The following NRG3 variants were observed in gnomAD, a reference collection of about 807,000 sequenced individuals.
NRG3 encodes pro-neuregulin-3, membrane-bound isoform.
A neutral mutation model predicts 66.9 loss-of-function variants in NRG3; 31 were observed. The ratio of observed to expected loss-of-function variants is 0.46; its 90% CI spans 0.35 to 0.63. The LOEUF (loss-of-function observed/expected upper bound fraction) is 0.63, where lower values mean the gene tolerates loss of function less well. Among genes scored for constraint, NRG3 ranks in the 20% least tolerant of loss-of-function variants. The pLI, the probability that NRG3 is intolerant of heterozygous loss-of-function variation, is 0.00. For synonymous variants in NRG3, 393 were observed against 359.4 expected, an observed-to-expected ratio of 1.09 and a Z score of -1.06; for missense variants, 910 against 878.9, an observed-to-expected ratio of 1.04 and a Z score of -0.45.
intron 2 of NRG3, among the ~76,000 whole-genome samples, chr10:82,677,880 G>C (rs960433848): frequency 1.3e-5 from 2 of 152,152 alleles, no homozygotes; most frequent in African/African-American, 4.8e-5. Flanking sequence ...TGATTTGGTG[G>C]GTTGCCTTAC....
chr10:81,926,229 T>TGCCTCA (rs925015549), intron 1 of NRG3, among the ~76,000 whole-genome samples: 2 of 152,186 alleles, frequency 1.3e-5, no homozygotes, highest in African/African-American at 4.8e-5. Flanking sequence ...GTGAATCTCC[T>TGCCTCA]GCCTCAGTCT....
intron 1 of NRG3, among the ~76,000 whole-genome samples, chr10:81,938,140 G>C (rs1257493443): frequency 6.6e-6 from 1 of 151,966 alleles, no homozygotes; most frequent in Non-Finnish European, 1.5e-5. Flanking sequence ...GTGTAGCCTG[G>C]TAATATGTTT....
intron 2 of NRG3, among the ~76,000 whole-genome samples, chr10:82,620,121 C>T (rs1233906477): frequency 2.0e-5 from 3 of 152,162 alleles, no homozygotes; most frequent in Non-Finnish European, 4.4e-5. Flanking sequence ...GGGGTGCCTG[C>T]GGCCCCCAAA....
intron 4 of NRG3, among the ~76,000 whole-genome samples, chr10:82,866,919 G>A (rs1840798324): frequency 6.6e-6 from 1 of 152,136 alleles, no homozygotes; most frequent in Non-Finnish European, 1.5e-5. Flanking sequence ...CATAGTTTTG[G>A]ATAAGTTGTC....
chr10:82,491,316 A>ATATATAT (rs1389375279), intron 2 of NRG3, among the ~76,000 whole-genome samples: 98 of 136,506 alleles, frequency 7.2e-4, no homozygotes, highest in Middle Eastern at 3.8e-3. Flanking sequence ...ATATATATAT[A>ATATATAT]AAATAAAGAT....
rs531867459 is a variant in NRG3 at position 82,266,918 on chromosome 10, A to G, written c.824-91821A>G. Among the ~76,000 whole-genome samples, 3 of 152,280 alleles carry G rather than the reference A, an allele frequency of 2.0e-5. No homozygotes were observed. The South Asian group carries it at 6.2e-4, about 32-fold the overall frequency. The stretch of plus-strand genomic sequence containing the variant: ...CTTTGCTTTTATGAACTTACCACAA[A>G]TGATGCTCCTGTTCTAGAGTCTAGG... On this transcript the variant is annotated intron_variant, in intron 1 of 8. Coordinates refer to ENST00000372141, the MANE Select transcript of NRG3 (RefSeq NM_001010848.4).
At chr10:81,896,832 A>T (rs1333413168) in intron 1 of NRG3, among the ~76,000 whole-genome samples, 1 of 152,136 alleles carries the variant, frequency 6.6e-6, no homozygotes, top group Non-Finnish European at 1.5e-5. Context: ...TTAAGCACCT[A>T]CTACTTGCCA....
intron 2 of NRG3, among the ~76,000 whole-genome samples, chr10:82,521,441 C>G (rs376048363): frequency 2.0e-5 from 3 of 151,980 alleles, no homozygotes; most frequent in Middle Eastern, 3.4e-3. Flanking sequence ...CCCGGGTTCA[C>G]GCCATTCTCC....
At chr10:82,443,497 C>T (rs2090552572) in intron 2 of NRG3, among the ~76,000 whole-genome samples, 1 of 152,146 alleles carries the variant, frequency 6.6e-6, no homozygotes, top group African/African-American at 2.4e-5. Flanking sequence ...ATTATTTTGA[C>T]CAAATATCTC....
chr10:82,380,455 T>C (rs1382494097), intron 2 of NRG3, among the ~76,000 whole-genome samples: 4 of 152,126 alleles, frequency 2.6e-5, no homozygotes, highest in Non-Finnish European at 5.9e-5. Flanking sequence ...GCAGTGAGTA[T>C]TTTAAGAAGA....
intron 1 of NRG3, among the ~76,000 whole-genome samples, chr10:82,161,422 A>G (rs77456251): frequency 6.6e-6 from 1 of 152,118 alleles, no homozygotes; most frequent in Non-Finnish European, 1.5e-5. Context: ...ACTATGGGGC[A>G]AGTGGTCCAT....
intron 1 of NRG3, among the ~76,000 whole-genome samples, chr10:82,065,163 C>G (rs556193084): frequency 1.3e-5 from 2 of 151,976 alleles, no homozygotes; most frequent in Non-Finnish European, 2.9e-5. Context: ...TTTTGACTTC[C>G]GTAGGAGACA....
intron 1 of NRG3, among the ~76,000 whole-genome samples, chr10:82,064,865 T>A (rs1248040754): frequency 1.3e-5 from 2 of 152,152 alleles, no homozygotes; most frequent in African/African-American, 4.8e-5. Context: ...GAAGAAGAAT[T>A]ATTCAAAACT....
At chr10:82,278,219 T>A (rs2078950844) in intron 1 of NRG3, among the ~76,000 whole-genome samples, 1 of 152,002 alleles carries the variant, frequency 6.6e-6, no homozygotes, top group Non-Finnish European at 1.5e-5. Context: ...TATTTTTTTT[T>A]AAAGCGTTCT....
chr10:82,145,998 T>A (rs1288417018), intron 1 of NRG3, among the ~76,000 whole-genome samples: 2 of 152,282 alleles, frequency 1.3e-5, no homozygotes, highest in Non-Finnish European at 2.9e-5. Context: ...AACATTGTGA[T>A]AAAATCATAT....
intron 1 of NRG3, among the ~76,000 whole-genome samples, chr10:82,219,970 A>G (rs555455830): frequency 6.6e-6 from 1 of 152,106 alleles, no homozygotes; most frequent in African/African-American, 2.4e-5. Flanking sequence ...ATAAGTAAAG[A>G]TATATATGTA....
chr10:82,438,522 T>C (rs888927885), intron 2 of NRG3, among the ~76,000 whole-genome samples: 1 of 152,202 alleles, frequency 6.6e-6, no homozygotes, highest in African/African-American at 2.4e-5. Flanking sequence ...CCCAAGGAGC[T>C]TAAACCACTT....
At chr10:82,529,372 G>C (rs1400491086) in intron 2 of NRG3, among the ~76,000 whole-genome samples, 1 of 152,140 alleles carries the variant, frequency 6.6e-6, no homozygotes, top group African/African-American at 2.4e-5. Context: ...AGTAATACAT[G>C]GGGCATTACT....
chr10:81,904,721 T>C lies in NRG3; in HGVS notation c.823+28558T>C, dbSNP rs572812905. Among the ~76,000 whole-genome samples the C allele has an allele frequency of 1.2e-4, 18 of 152,290 alleles. No individual in the cohort carries two copies. The East Asian group carries it at 3.5e-3, about 29-fold the overall frequency. ...TTCTATGGCAGGGTTTCATGTTCCC[T>C]GCAGCATTCTGGTTGTTCTCCTTAG... On this transcript the variant is annotated intron_variant, in intron 1 of 8. Transcript: ENST00000372141.
Sources: allele counts gnomAD v4.1 joint callset (sites outside exome capture counted in the v4.1 genomes callset), GRCh38; gene constraint gnomAD v4.1.1; transcripts MANE v1.5; gene names NCBI Gene and HGNC (gene_info 2026-07-23, HGNC 2026-07-21).